Variants in SCD5 observed in about 807,000 individuals in gnomAD.
SCD5 encodes acyl-CoA-desaturase 4.
Under a neutral mutation model 30.4 loss-of-function variants are expected in SCD5, and 20 were observed. That is an observed-to-expected ratio of 0.66 (90% CI 0.46 to 0.96). SCD5 has a LOEUF of 0.96. SCD5 is among the 40% of genes least tolerant of loss of function. SCD5 has a pLI of 0.00. For missense variants in SCD5, 381 were observed against 443.3 expected, an observed-to-expected ratio of 0.86 and a Z score of 1.26; for synonymous variants, 173 against 176.4, an observed-to-expected ratio of 0.98 and a Z score of 0.16.
chr4:82,730,732 C>G (rs1161886901), intron 1 of SCD5, among the ~76,000 whole-genome samples: 2 of 151,634 alleles, frequency 1.3e-5, no homozygotes, highest in Non-Finnish European at 2.9e-5. Context: ...ACTACAGGCA[C>G]CCACCACCAC....
intron 1 of SCD5, among the ~76,000 whole-genome samples, chr4:82,720,221 G>A (rs1019006969): frequency 5.3e-5 from 8 of 151,780 alleles, no homozygotes; most frequent in African/African-American, 1.5e-4. Flanking sequence ...TTTGTGCCCC[G>A]GTTCAAGACC....
chr4:82,639,079 A>G (rs980280353), intron 3 of SCD5, among the ~76,000 whole-genome samples: 6 of 152,218 alleles, frequency 3.9e-5, no homozygotes, highest in African/African-American at 1.4e-4. Flanking sequence ...AACATACGTC[A>G]ATGTGCTTTG....
At chr4:82,651,704 C>A (rs9991109) in intron 3 of SCD5, among the ~76,000 whole-genome samples, 137,288 of 152,100 alleles carry the variant, frequency 0.9, 62,041 homozygotes, top group East Asian at 1. Context: ...ACCTGAGGTC[C>A]GGAGTTTGAG....
chr4:82,653,049 G>A (rs191265510), intron 3 of SCD5, among the ~76,000 whole-genome samples: 38 of 152,228 alleles, frequency 2.5e-4, no homozygotes, highest in African/African-American at 8.2e-4. Context: ...GCTACTTGGG[G>A]GGACTGAGAC....
At chr4:82,671,062 T>C (rs1031008628) in intron 3 of SCD5, among the ~76,000 whole-genome samples, 3 of 152,146 alleles carry the variant, frequency 2.0e-5, no homozygotes, top group African/African-American at 7.2e-5. Context: ...ATACCATTCT[T>C]ATAATAATCA....
chr4:82,736,279 CCTGT>C (rs1431678466), intron 1 of SCD5, among the ~76,000 whole-genome samples: 3 of 150,694 alleles, frequency 2.0e-5, no homozygotes, highest in African/African-American at 7.3e-5. Context: ...AGAGCAAGAC[CCTGT>C]CTAAGAAAAA....
At chr4:82,797,191 G>A (rs564791377) in intron 1 of SCD5, among the ~76,000 whole-genome samples, 5 of 152,220 alleles carry the variant, frequency 3.3e-5, no homozygotes, top group Non-Finnish European at 5.9e-5. Context: ...TGTAGAAAGA[G>A]GTCTTATTTT....
intron 3 of SCD5, among the ~76,000 whole-genome samples, chr4:82,655,839 G>A (rs1331343034): frequency 6.6e-6 from 1 of 152,126 alleles, no homozygotes; most frequent in African/African-American, 2.4e-5. Flanking sequence ...AAGGCCAGGA[G>A]TTTATAAGGG....
At chr4:82,721,795 G>C (rs1275783887) in intron 1 of SCD5, among the ~76,000 whole-genome samples, 1 of 152,186 alleles carries the variant, frequency 6.6e-6, no homozygotes, top group African/African-American at 2.4e-5. Context: ...CACCCCATCC[G>C]TAGTACATTG....
chr4:82,694,387 C>T (rs990327728), intron 2 of SCD5, among the ~76,000 whole-genome samples: 1 of 152,178 alleles, frequency 6.6e-6, no homozygotes, highest in Non-Finnish European at 1.5e-5. Context: ...AGCTTTATGA[C>T]TTTAGCATTA....
chr4:82,665,231 C>CAAA (rs35422547), intron 3 of SCD5, among the ~76,000 whole-genome samples: 16 of 72,158 alleles, frequency 2.2e-4, no homozygotes, highest in African/African-American at 7.7e-4. Flanking sequence ...GACCCTGTCT[C>CAAA]AAAAAAAAAA....
chr4:82,688,066 G>A (rs1560534242), intron 2 of SCD5, among the ~76,000 whole-genome samples: 1 of 152,128 alleles, frequency 6.6e-6, no homozygotes, highest in East Asian at 1.9e-4. Context: ...ACACCAAGAT[G>A]GTTTTGCTAT....
At chr4:82,643,997 G>A (rs6813901) in intron 3 of SCD5, among the ~76,000 whole-genome samples, 30,430 of 152,146 alleles carry the variant, frequency 0.2, 3,201 homozygotes, top group East Asian at 0.37. Context: ...TGAGATGCAA[G>A]GATGTCCTAT....
intron 1 of SCD5, among the ~76,000 whole-genome samples, chr4:82,741,015 G>A (rs749242157): frequency 1.7e-4 from 25 of 151,310 alleles, no homozygotes; most frequent in Non-Finnish European, 3.2e-4. Context: ...GCTCACTGCA[G>A]CCTCTGCCTT....
chr4:82,787,505 C>T lies in SCD5; in HGVS notation c.232+10801G>A, dbSNP rs76616958. On this transcript the variant is annotated intron_variant, in intron 1 of 4. Coordinates refer to ENST00000319540, the MANE Select transcript of SCD5 (RefSeq NM_001037582.3). ...GAGGTGTTGGCTGTCTCAGCAGCCA[C>T]GCCCTCCGCTTCCTTCGAGCCAGAG... 2.5e-3 allele frequency among the ~76,000 whole-genome samples: 388 copies of T among 152,268 alleles called. 2 individuals are homozygous for T. Among genetic ancestry groups the T allele is most frequent in the African/African-American group, 8.8e-3 (367 of 41,554 alleles).
rs961682947 is a variant in SCD5, at chr4:82,719,397, A to G, written c.233-13984T>C. On this transcript the variant is annotated intron_variant, in intron 1 of 4. Coordinates refer to ENST00000319540, the MANE Select transcript of SCD5 (RefSeq NM_001037582.3). ...GTAGGCACAGTGCTCACAGCCCACA[A>G]TATGTTTTCTTCAAAAAGATAAAAA... Among the ~76,000 whole-genome samples, 17 of 151,932 alleles carry G rather than the reference A, an allele frequency of 1.1e-4. No individual in the cohort carries two copies. In the South Asian group the frequency reaches 2.3e-3, roughly 20 times the overall value.
chr4:82,759,522 C>G (rs536861043), intron 1 of SCD5, among the ~76,000 whole-genome samples: 2 of 152,206 alleles, frequency 1.3e-5, no homozygotes, highest in East Asian at 1.9e-4. Context: ...CCTCAACACT[C>G]TGCTCAGGAT....
At chr4:82,661,393 T>C (rs1848068) in intron 3 of SCD5, among the ~76,000 whole-genome samples, 93,102 of 151,742 alleles carry the variant, frequency 0.61, 29,011 homozygotes, top group Middle Eastern at 0.72. Context: ...CCACTTCAAC[T>C]GTCAACTGAC....
intron 3 of SCD5, among the ~76,000 whole-genome samples, chr4:82,644,547 T>C (rs1727602221): frequency 6.6e-6 from 1 of 152,222 alleles, no homozygotes; most frequent in South Asian, 2.1e-4. Context: ...TTTTGGTTAA[T>C]AAATGATGAG....
Sources: gnomAD v4.1 joint callset for allele counts (sites outside exome capture counted in the v4.1 genomes callset) on GRCh38, gnomAD v4.1.1 for gene constraint, MANE v1.5 for transcripts, NCBI Gene and HGNC (gene_info 2026-07-23, HGNC 2026-07-21) for gene names.